SEMA5B: variants seen among roughly 807,000 people sequenced by gnomAD.
SEMA5B encodes the protein semaphorin-5B.
SEMA5B carries 66 observed loss-of-function variants against 135.0 expected under a neutral mutation model. The ratio of observed to expected loss-of-function variants is 0.49; its 90% CI spans 0.40 to 0.60. The LOEUF (loss-of-function observed/expected upper bound fraction) is 0.60, where lower values mean the gene tolerates loss of function less well. Ranked by LOEUF, SEMA5B falls within the 20% of genes least tolerant of loss-of-function variation. The pLI is 0.00. For synonymous variants in SEMA5B, 690 were observed against 639.5 expected (o/e 1.08, Z -1.19); for missense variants, 1,501 against 1,566.3 (o/e 0.96, Z 0.70).
rs1409126360 is a variant in SEMA5B at position 122,910,206 on chromosome 3, G to A, written c.3393C>T (p.Pro1131=). The stretch of plus-strand genomic sequence containing the variant: ...CGGGCCGGAAGCTGTGTTTGTTCAG[G>A]GGGCTTGGGTAGTAAGTAGTCGTGT... ...NVYTTTYYPS[P]LNKHSFRPEA... is the part of the protein sequence containing the mutation. The change falls in exon 23 of 23, where the codon CCC becomes CCT. Residue 1131 remains proline (P), a synonymous_variant. Transcript: ENST00000357599. The A allele has an allele frequency of 6.2e-7, 1 of 1,614,242 alleles. No individual in the cohort carries two copies. The highest frequency in any genetic ancestry group is 8.5e-7 in the Non-Finnish European group (1 of 1,180,038).
chr3:122,910,184 G>A lies in SEMA5B; in HGVS notation c.3415C>T (p.Pro1139Ser). 1 of 1,614,244 alleles carries A rather than the reference G, an allele frequency of 6.2e-7. No individual in the cohort carries two copies. The highest frequency in any genetic ancestry group is 8.5e-7 in the Non-Finnish European group (1 of 1,180,036). ...PSPLNKHSFR[P>S]EASPGQRCFP... is the part of the protein sequence containing the mutation. ...CACCGTTGTCCAGGTGAGGCCTCGG[G>A]CCGGAAGCTGTGTTTGTTCAGGGGG... Residue 1139 changes from proline to serine, a missense_variant, in exon 23 of 23, where the codon CCC (proline) becomes TCC (serine). Pro to Ser is a moderately conservative substitution (Grantham distance 74, BLOSUM62 -1). Coordinates refer to ENST00000357599, the MANE Select transcript of SEMA5B (RefSeq NM_001031702.4).
chr3:122,957,244 T>G (rs1344058517), intron 2 of SEMA5B, among the ~76,000 whole-genome samples: 1 of 152,126 alleles, frequency 6.6e-6, no homozygotes, highest in Non-Finnish European at 1.5e-5. Flanking sequence ...AGGGGACAGG[T>G]GGATTAGAGC....
intron 1 of SEMA5B, among the ~76,000 whole-genome samples, chr3:123,003,188 G>A (rs914616717): frequency 1.3e-5 from 2 of 152,072 alleles, no homozygotes; most frequent in Non-Finnish European, 2.9e-5. Context: ...CTACCCACCT[G>A]GAAATCTCAT....
intron 1 of SEMA5B, among the ~76,000 whole-genome samples, chr3:122,984,137 C>T (rs1287016294): frequency 6.6e-6 from 1 of 152,242 alleles, no homozygotes; most frequent in Non-Finnish European, 1.5e-5. Flanking sequence ...CTTCCTTCTT[C>T]TCTTCTCCTT....
intron 1 of SEMA5B, among the ~76,000 whole-genome samples, chr3:122,971,069 C>T (rs1244386687): frequency 6.6e-6 from 1 of 152,206 alleles, no homozygotes; most frequent in Non-Finnish European, 1.5e-5. Flanking sequence ...TACCCAGTGG[C>T]CTATAATTCC....
At chr3:122,929,979 G>A (rs1560314085) in intron 5 of SEMA5B, among the ~76,000 whole-genome samples, 1 of 152,202 alleles carries the variant, frequency 6.6e-6, no homozygotes, top group Non-Finnish European at 1.5e-5. Flanking sequence ...CCCTGGCGTG[G>A]CTCATTATAT....
In SEMA5B at chr3:122,913,539, C is replaced by G; in HGVS notation, c.2275G>C (p.Gly759Arg). 6.2e-7 allele frequency: 1 copy of G among 1,611,456 alleles called. No individual in the cohort carries two copies. Among genetic ancestry groups the G allele is most frequent in the South Asian group, 1.1e-5 (1 of 90,882 alleles). Residue 759 changes from glycine (G) to arginine (R), a missense_variant, in exon 16 of 23, where the codon GGC becomes CGC. Physicochemically the swap from Gly to Arg is moderately radical, Grantham distance 125. This residue lies in a region of SEMA5B where 927 missense variants were observed against 881.6 expected (regional missense o/e 1.05). Coordinates refer to ENST00000357599, the MANE Select transcript of SEMA5B (RefSeq NM_001031702.4). ...CCCACGGCCCCAACCCTCACCACGCCGCAGCCCAGGCAGGAGTTGCCGTTC... is the reference window on the plus strand; with the variant it reads ...CCCACGGCCCCAACCCTCACCACGCGGCAGCCCAGGCAGGAGTTGCCGTTC... Reference protein sequence around the residue: ...CENGNSCLGCGVEFKTCNPEG... With the variant: ...CENGNSCLGCRVEFKTCNPEG...
intron 5 of SEMA5B, 75 bp downstream of exon 5, chr3:122,939,350 G>T: frequency 4.2e-6 from 5 of 1,177,854 alleles, no homozygotes; most frequent in Non-Finnish European, 6.4e-6. Flanking sequence ...TCTGAATGGC[G>T]CCACTTGCGT....
chr3:122,966,552 T>C (rs991348294), intron 1 of SEMA5B, among the ~76,000 whole-genome samples: 1 of 147,560 alleles, frequency 6.8e-6, no homozygotes, highest in African/African-American at 2.6e-5. Context: ...ATTATTATTA[T>C]TATTATTATT....
intron 1 of SEMA5B, among the ~76,000 whole-genome samples, chr3:123,002,826 T>A (rs1335884221): frequency 6.6e-6 from 1 of 152,182 alleles, no homozygotes; most frequent in Non-Finnish European, 1.5e-5. Context: ...TAAGAACTAG[T>A]CAGAAAATTA....
chr3:122,925,898 G>C (rs1015980469), intron 9 of SEMA5B, among the ~76,000 whole-genome samples: 1 of 152,012 alleles, frequency 6.6e-6, no homozygotes, highest in East Asian at 1.9e-4. Context: ...AGGGTTACTC[G>C]TCCTCACACC....
At chr3:123,009,136 C>T in intron 1 of SEMA5B, among the ~76,000 whole-genome samples, 1 of 152,168 alleles carries the variant, frequency 6.6e-6, no homozygotes, top group African/African-American at 2.4e-5. Flanking sequence ...GAAATCAAGG[C>T]TCAGTGTTTC....
intron 1 of SEMA5B, among the ~76,000 whole-genome samples, chr3:122,972,545 C>T (rs1425448509): frequency 1.3e-5 from 2 of 152,144 alleles, no homozygotes. Flanking sequence ...ATTATCTGTG[C>T]TATTATTTGA....
At chr3:122,934,623 A>G (rs1939159130) in intron 5 of SEMA5B, among the ~76,000 whole-genome samples, 1 of 152,254 alleles carries the variant, frequency 6.6e-6, no homozygotes, top group Admixed American at 6.5e-5. Context: ...TGATTCAAAT[A>G]ACCAAAATTA....
In SEMA5B at chr3:122,961,221, C is replaced by G; in HGVS notation, c.43G>C (p.Val15Leu). ...GCTGGGGTATCAGGCGGCCCAGGGA[C>G]GAGGTGGTGGGCAACAGGAGACGGA... The part of the protein sequence containing the change: ...FSPSPVAHHL[V>L]PGPPDTPAQQ... Residue 15 changes from valine (V) to leucine (L), a missense_variant, in exon 2 of 23, where the codon GTC (valine) becomes CTC (leucine). Val to Leu is a conservative substitution (Grantham distance 32). Around this residue, in one of 2 missense-constraint regions of SEMA5B, gnomAD observed 574 missense variants for 684.7 expected, o/e 0.84. Transcript: ENST00000357599. 6.2e-7 allele frequency: 1 copy of G among 1,613,974 alleles called. No homozygotes were observed. Among genetic ancestry groups the G allele is most frequent in the Non-Finnish European group, 8.5e-7 (1 of 1,179,940 alleles).
At chr3:122,915,290 C>G in intron 14 of SEMA5B, 150 bp downstream of exon 14, 1 of 672,176 alleles carries the variant, frequency 1.5e-6, no homozygotes. Flanking sequence ...GGTTTCCTGC[C>G]TCAGATATTA....
At chr3:122,928,653 C>G (rs988630762) in intron 6 of SEMA5B, 38 bp from the exon 7 acceptor site, 2 of 1,434,060 alleles carry the variant, frequency 1.4e-6, no homozygotes, top group Non-Finnish European at 1.9e-6. Flanking sequence ...GCACAGCTCT[C>G]CAGGTGCGAT....
chr3:122,979,206 G>A (rs563927780), intron 1 of SEMA5B, among the ~76,000 whole-genome samples: 5 of 152,286 alleles, frequency 3.3e-5, no homozygotes, highest in African/African-American at 1.2e-4. Context: ...TCGCTCTCAG[G>A]ACAAGACAAG....
intron 2 of SEMA5B, among the ~76,000 whole-genome samples, chr3:122,952,614 C>T (rs1940106605): frequency 6.6e-6 from 1 of 152,212 alleles, no homozygotes; most frequent in Non-Finnish European, 1.5e-5. Context: ...ATGAGTCATT[C>T]TGGTGCTCTG....
Sources: gnomAD v4.1 joint callset for allele counts (sites outside exome capture counted in the v4.1 genomes callset) on GRCh38, gnomAD v4.1.1 for gene constraint, gnomAD v4.1.1 regional missense constraint, MANE v1.5 for transcripts, NCBI Gene and HGNC (gene_info 2026-07-23, HGNC 2026-07-21) for gene names.